BBS4: variants seen among roughly 807,000 people sequenced by gnomAD.
BBS4 encodes the protein BBSome complex member BBS4.
Under a neutral mutation model 71.4 loss-of-function variants are expected in BBS4, and 58 were observed. The ratio of observed to expected loss-of-function variants is 0.81; its 90% CI spans 0.66 to 1.01. BBS4 has a LOEUF of 1.01. Ranked by LOEUF, BBS4 falls within the 50% of genes least tolerant of loss-of-function variation. The probability of loss-of-function intolerance (pLI) is 0.00; values close to 1 mark genes in which losing one functional copy is unlikely to be tolerated. For synonymous variants in BBS4, 228 were observed against 216.8 expected, an observed-to-expected ratio of 1.05 and a Z score of -0.46; for missense variants, 660 against 607.9, an observed-to-expected ratio of 1.09 and a Z score of -0.90.
chr15:72,720,345 C>T (rs529112634), intron 6 of BBS4, among the ~76,000 whole-genome samples: 1 of 151,682 alleles, frequency 6.6e-6, no homozygotes, highest in East Asian at 1.9e-4. Flanking sequence ...AATTAGTGGT[C>T]GTGTGCACCT....
chr15:72,707,975 T>C (rs2065294757), intron 2 of BBS4, among the ~76,000 whole-genome samples: 2 of 152,080 alleles, frequency 1.3e-5, no homozygotes, highest in Admixed American at 6.6e-5. Flanking sequence ...ATGTGATTTT[T>C]TTTTTTTTTT....
intron 4 of BBS4, among the ~76,000 whole-genome samples, chr15:72,712,826 C>T (rs1483535842): frequency 6.6e-6 from 1 of 152,054 alleles, no homozygotes; most frequent in Admixed American, 6.5e-5. Flanking sequence ...TACACTTAGC[C>T]TACACTAAAT....
rs2065330472 is a variant in BBS4 at position 72,709,701 on chromosome 15, T to A, written c.78T>A (p.Ala26=). ...GTTTTGTCAAAATATGCTGCCTAGC[T>A]CCAGAGTTTCCTATTTTGGAGAAGC... ...TESQKPRQKK[A]PEFPILEKQN... The change falls in exon 3 of 16, where the codon GCT becomes GCA. Residue 26 remains alanine (A), a splice_region_variant and synonymous_variant. Transcript: ENST00000268057. 1 of 1,610,384 alleles carries A rather than the reference T, an allele frequency of 6.2e-7. No homozygotes were observed. Among genetic ancestry groups the A allele is most frequent in the Non-Finnish European group, 8.5e-7 (1 of 1,176,730 alleles).
At chr15:72,706,735 A>T (rs2065270015) in intron 2 of BBS4, among the ~76,000 whole-genome samples, 1 of 152,230 alleles carries the variant, frequency 6.6e-6, no homozygotes, top group South Asian at 2.1e-4. Context: ...TGTTCCTGGC[A>T]TGTAAAGTCA....
chr15:72,696,630 G>C (rs1041155772), intron 2 of BBS4, among the ~76,000 whole-genome samples: 29 of 152,160 alleles, frequency 1.9e-4, no homozygotes, highest in African/African-American at 6.5e-4. Context: ...AGAGGGTCTC[G>C]CTCTGTCACC....
Position 72,731,625 on chromosome 15 carries a change from T to C in BBS4, c.935T>C (p.Leu312Pro). ...FDWKILYNLG[L>P]VHLTMQQYAS... ...TGGAAGATTCTGTATAATTTGGGCCTTGTCCATTTGACCATGCAGCAGTAT... is the reference window on the plus strand; with the variant it reads ...TGGAAGATTCTGTATAATTTGGGCCCTGTCCATTTGACCATGCAGCAGTAT... The change falls in exon 12 of 16, where the codon CTT becomes CCT. Residue 312 changes from leucine to proline, a missense_variant. Transcript: ENST00000268057. 6.2e-7 allele frequency: 1 copy of C among 1,614,224 alleles called. No homozygotes were observed. The highest frequency in any genetic ancestry group is 8.5e-7 in the Non-Finnish European group (1 of 1,180,032).
chr15:72,737,240 C>G (rs2065944063), intron 15 of BBS4: 3 of 614,662 alleles, frequency 4.9e-6, no homozygotes, highest in Non-Finnish European at 8.5e-6. Context: ...TCCTGTTATG[C>G]AATGTTTAAT....
intron 6 of BBS4, among the ~76,000 whole-genome samples, chr15:72,719,900 G>A (rs1291556040): frequency 4.0e-5 from 6 of 151,608 alleles, no homozygotes; most frequent in Non-Finnish European, 7.4e-5. Context: ...ACAGGCACCC[G>A]CCACCATGCC....
chr15:72,722,862 T>A lies in BBS4; in HGVS notation c.459+15T>A. The stretch of plus-strand genomic sequence containing the variant: ...AGTTCAACAAGGTAATTTATAGAAG[T>A]GGTGATAGATTTCACTGAGGGTGCA... On this transcript the variant is annotated intron_variant, in intron 7 of 15. Coordinates refer to ENST00000268057, the MANE Select transcript of BBS4 (RefSeq NM_033028.5). 1 of 1,609,246 alleles carries A rather than the reference T, an allele frequency of 6.2e-7. No individual in the cohort carries two copies. The highest frequency in any genetic ancestry group is 8.5e-7 in the Non-Finnish European group (1 of 1,175,892).
In BBS4 at chr15:72,732,018, T is replaced by C. The variant is rs137971073; in HGVS notation, c.1036+292T>C. Among the ~76,000 whole-genome samples, 4 of 152,334 alleles carry C rather than the reference T, an allele frequency of 2.6e-5. No individual in the cohort carries two copies. In the East Asian group the frequency reaches 5.8e-4, roughly 22 times the overall value. On this transcript the variant is annotated intron_variant, in intron 12 of 15. Transcript: ENST00000268057. ...CCTTGACAATTCATTTATGTATATATTGAGTCCAACTAAGTTCCAGACAGC... is the reference window on the plus strand; with the variant it reads ...CCTTGACAATTCATTTATGTATATACTGAGTCCAACTAAGTTCCAGACAGC...
intron 6 of BBS4, 29 bp from the exon 7 acceptor site, chr15:72,722,765 G>C (rs1283418511): frequency 1.9e-6 from 3 of 1,607,098 alleles, no homozygotes; most frequent in Admixed American, 3.3e-5. Flanking sequence ...TTACACCTGA[G>C]TTGTTTTCCT....
intron 6 of BBS4, among the ~76,000 whole-genome samples, chr15:72,720,212 G>A (rs1406164807): frequency 6.6e-6 from 1 of 151,798 alleles, no homozygotes; most frequent in African/African-American, 2.4e-5. Context: ...CTGGAGCATG[G>A]TGGCTCATAC....
Position 72,735,105 on chromosome 15 carries a change from T to C in BBS4, c.1037-8T>C, listed in dbSNP as rs761319503. ...AGCTCTCCAGCTGCAGTGCTTTCTTTGTTGCAGTGGCTCTGACCAATCTGG... is the reference window on the plus strand; with the variant it reads ...AGCTCTCCAGCTGCAGTGCTTTCTTCGTTGCAGTGGCTCTGACCAATCTGG... On this transcript the variant is annotated splice_region_variant and splice_polypyrimidine_tract_variant and intron_variant, in intron 12 of 15. Transcript: ENST00000268057. 7 of 1,611,524 alleles carry C rather than the reference T, an allele frequency of 4.3e-6. No homozygotes were observed. Among genetic ancestry groups the C allele is most frequent in the Non-Finnish European group, 5.9e-6 (7 of 1,177,712 alleles).
At chr15:72,725,765 C>CCCCTT (rs2065665268) in intron 8 of BBS4, among the ~76,000 whole-genome samples, 1 of 63,012 alleles carries the variant, frequency 1.6e-5, no homozygotes, top group African/African-American at 6.6e-5. Context: ...CTTCCCCCTT[C>CCCCTT]CCCCTTCCTC....
chr15:72,727,854 G>A (rs576019575), intron 8 of BBS4, 86 bp from the exon 9 acceptor site: 9 of 1,018,596 alleles, frequency 8.8e-6, no homozygotes, highest in South Asian at 6.4e-5. Flanking sequence ...GGTCTGTCAA[G>A]TATTGCACGA....
At chr15:72,712,142 C>G (rs923951114) in intron 3 of BBS4, 102 bp from the exon 4 acceptor site, 3 of 1,053,064 alleles carry the variant, frequency 2.8e-6, no homozygotes, top group Non-Finnish European at 4.3e-6. Context: ...TTTGGGATTA[C>G]AAGCATGAGC....
intron 12 of BBS4, 89 bp downstream of exon 12, chr15:72,731,815 T>C (rs1376224896): frequency 2.7e-6 from 4 of 1,484,690 alleles, no homozygotes; most frequent in African/African-American, 1.4e-5. Flanking sequence ...GGCTGTCTCA[T>C]AGGAGCCATT....
chr15:72,726,678 T>C (rs558597904), intron 8 of BBS4, among the ~76,000 whole-genome samples: 1 of 152,348 alleles, frequency 6.6e-6, no homozygotes, highest in African/African-American at 2.4e-5. Context: ...CCTTGGTTTG[T>C]TAAGCTACAG....
rs761816006 is a variant in BBS4 at position 72,731,439 on chromosome 15, C to T, written c.846C>T (p.Gly282=). 3 of 1,614,158 alleles carry T rather than the reference C, an allele frequency of 1.9e-6. No homozygotes were observed. The highest frequency in any genetic ancestry group is 2.2e-5 in the East Asian group (1 of 44,876). The stretch of plus-strand genomic sequence containing the variant: ...ATAACATTGGAATGTGTTTCTTTGG[C>T]AAGAAGAAATATGTGGCGGTGAGTG... ...LWNNIGMCFF[G]KKKYVAAISC... Residue 282 remains glycine (G), a synonymous_variant, in exon 11 of 16, where the codon GGC becomes GGT. Coordinates refer to ENST00000268057, the MANE Select transcript of BBS4 (RefSeq NM_033028.5).
Sources: allele counts gnomAD v4.1 joint callset (sites outside exome capture counted in the v4.1 genomes callset), GRCh38; gene constraint gnomAD v4.1.1; transcripts MANE v1.5; gene names NCBI Gene and HGNC (gene_info 2026-07-23, HGNC 2026-07-21).